The following OLFML2A variants were observed in gnomAD, a reference collection of about 807,000 sequenced individuals.
OLFML2A encodes olfactomedin like 2A.
In OLFML2A, 47 loss-of-function variants were observed where a neutral mutation model predicts 60.9. That is an observed-to-expected ratio of 0.77 (90% CI 0.61 to 0.98). The LOEUF (loss-of-function observed/expected upper bound fraction) is 0.98, where lower values mean the gene tolerates loss of function less well. OLFML2A is among the 50% of genes least tolerant of loss of function. The pLI is 0.00. For synonymous variants in OLFML2A, 372 were observed against 375.0 expected (o/e 0.99, Z 0.09); for missense variants, 922 against 879.8 (o/e 1.05, Z -0.61).
At chr9:124,808,039 C>A (rs915430065) in intron 7 of OLFML2A, 73 bp downstream of exon 7, 3 of 1,132,580 alleles carry the variant, frequency 2.6e-6, no homozygotes, top group South Asian at 1.4e-5. Flanking sequence ...GGGGACTTGG[C>A]CTTCCTTGCC....
Position 124,779,531 on chromosome 9 carries a change from T to TTG in OLFML2A, c.90+2184_90+2185dup, listed in dbSNP as rs547661169. Among the ~76,000 whole-genome samples, 1 of 133,408 alleles carries TTG rather than the reference T, an allele frequency of 7.5e-6. No homozygotes were observed. The highest frequency in any genetic ancestry group is 1.6e-5 in the Non-Finnish European group (1 of 64,122). The allele number at this position is 133,408 out of a possible 152,430, so 87.5% of individuals were successfully genotyped here. ...GTGAGTCAGCCAAACACTTGCTAGG[T>TTG]TGTGTGTGTGTGTGGTGGGGGGGGG... On this transcript the variant is annotated intron_variant, in intron 1 of 7. Coordinates refer to ENST00000373580, the MANE Select transcript of OLFML2A (RefSeq NM_182487.4). The surrounding 1 kb of genome is among the most constrained non-coding windows in gnomAD (Gnocchi z 4.1).
At position 124,804,710 on chromosome 9, in the gene OLFML2A, AT is replaced by A. The variant is rs955047097; in HGVS notation, c.1168+380del. 5.3e-3 allele frequency among the ~76,000 whole-genome samples: 777 copies of A among 146,472 alleles called. 3 individuals are homozygous for A. The highest frequency in any genetic ancestry group is 0.029 in the Middle Eastern group (8 of 276). ...CTGCACTCCAGCCTGGGCGAAAGAA[AT>A]TTTTTTTTTTTCTTTTTGAGACAGT... On this transcript the variant is annotated intron_variant, in intron 6 of 7. Coordinates refer to ENST00000373580, the MANE Select transcript of OLFML2A (RefSeq NM_182487.4).
chr9:124,799,544 A>G, intron 4 of OLFML2A, 53 bp downstream of exon 4: 3 of 1,440,716 alleles, frequency 2.1e-6, no homozygotes, highest in Non-Finnish European at 1.9e-6. Flanking sequence ...TTGGGAGCTC[A>G]GTGTGCCAGG....
At chr9:124,793,020 T>A (rs1314820022) in intron 2 of OLFML2A, among the ~76,000 whole-genome samples, 2 of 152,186 alleles carry the variant, frequency 1.3e-5, no homozygotes, top group Non-Finnish European at 2.9e-5. Flanking sequence ...GTTTTAGAGA[T>A]CAGCTTCTGC....
chr9:124,798,460 G>A (rs2131265901), intron 3 of OLFML2A, among the ~76,000 whole-genome samples: 1 of 152,202 alleles, frequency 6.6e-6, no homozygotes, highest in South Asian at 2.1e-4. Context: ...ATTGCTTGCA[G>A]TGAGCCAAGA....
At chr9:124,790,631 C>T (rs997613357) in intron 2 of OLFML2A, among the ~76,000 whole-genome samples, 8 of 152,108 alleles carry the variant, frequency 5.3e-5, no homozygotes, top group African/African-American at 1.9e-4. Flanking sequence ...GGGATTGACC[C>T]GGCAGGTGGG....
At chr9:124,796,102 C>T (rs1289473891) in intron 3 of OLFML2A, among the ~76,000 whole-genome samples, 1 of 152,220 alleles carries the variant, frequency 6.6e-6, no homozygotes, top group Non-Finnish European at 1.5e-5. Context: ...GGCGTGGGGG[C>T]TTCCTTTCCC....
intron 2 of OLFML2A, among the ~76,000 whole-genome samples, chr9:124,789,550 G>A (rs966661087): frequency 6.6e-6 from 1 of 152,166 alleles, no homozygotes; most frequent in African/African-American, 2.4e-5. Context: ...TTTATAATGG[G>A]CACCAAGGAT....
At chr9:124,782,934 G>C (rs7857675) in intron 1 of OLFML2A, among the ~76,000 whole-genome samples, 5,641 of 152,058 alleles carry the variant, frequency 0.037, 340 homozygotes, top group African/African-American at 0.13. Flanking sequence ...AGTGGGTGGA[G>C]TGGCAAGAGA....
rs770591877 is a variant in OLFML2A at position 124,810,404 on chromosome 9, G to A, written c.1951G>A (p.Val651Met). The change falls in exon 8 of 8, where the codon GTG becomes ATG. Residue 651 changes from valine (V) to methionine (M), a missense_variant. Val to Met is a conservative substitution (Grantham distance 21). Transcript: ENST00000373580. Reference protein sequence around the residue: ...GHQLTYTLHFVV With the variant: ...GHQLTYTLHFMV ...CCAGCTCACCTACACCCTCCACTTC[G>A]TGGTCTGAGTGGAGACCTGTGCTCC... 14 of 1,594,456 alleles carry A rather than the reference G, an allele frequency of 8.8e-6. No homozygotes were observed. The highest frequency in any genetic ancestry group is 6.7e-5 in the Admixed American group (4 of 59,802).
intron 3 of OLFML2A, among the ~76,000 whole-genome samples, chr9:124,795,870 A>G (rs549042736): frequency 3.9e-5 from 6 of 152,320 alleles, no homozygotes; most frequent in Admixed American, 3.9e-4. Flanking sequence ...GTGGAGGCAG[A>G]GGTGCTGCGT....
rs145528448 is a variant in OLFML2A at position 124,780,231 on chromosome 9, G to A, written c.90+2871G>A. 5.7e-3 allele frequency among the ~76,000 whole-genome samples: 862 copies of A among 152,346 alleles called. 8 individuals carry two copies. The highest frequency in any genetic ancestry group is 9.4e-3 in the Non-Finnish European group (639 of 68,034). ...CCACATGACACCCAGGCATAGCACC[G>A]CAGACCTCTGGGGAGCTGCTTCTTG... On this transcript the variant is annotated intron_variant, in intron 1 of 7. Transcript: ENST00000373580.
At chr9:124,782,466 C>G (rs1205087540) in intron 1 of OLFML2A, among the ~76,000 whole-genome samples, 1 of 152,230 alleles carries the variant, frequency 6.6e-6, no homozygotes, top group African/African-American at 2.4e-5. Flanking sequence ...GTTGATTGTT[C>G]AGACTCACCA....
chr9:124,784,084 G>T (rs911082584), intron 1 of OLFML2A, among the ~76,000 whole-genome samples: 1 of 152,114 alleles, frequency 6.6e-6, no homozygotes. Context: ...AAAGGGAAGG[G>T]CAATAAGGAG....
Position 124,804,214 on chromosome 9 carries a change from G to A in OLFML2A, c.1040G>A (p.Arg347Gln), listed in dbSNP as rs201942102. The A allele has an allele frequency of 2.8e-5, 45 of 1,613,990 alleles. No homozygotes were observed. In the East Asian group the frequency reaches 4.7e-4, roughly 17 times the overall value. Residue 347 changes from arginine (R) to glutamine (Q), a missense_variant, in exon 6 of 8, where the codon CGA (arginine) becomes CAA (glutamine). Arg to Gln is a conservative substitution (Grantham distance 43). Coordinates refer to ENST00000373580, the MANE Select transcript of OLFML2A (RefSeq NM_182487.4). ...GAGGCTGAGCCCAGGTCCTCCGAGC[G>A]AGTGGACCTGGCTTCTGGCACCCCC... The part of the protein sequence containing the change: ...QDEAEPRSSE[R>Q]VDLASGTPTS...
At chr9:124,799,803 G>A (rs1483898974) in intron 4 of OLFML2A, among the ~76,000 whole-genome samples, 2 of 152,098 alleles carry the variant, frequency 1.3e-5, no homozygotes, top group Non-Finnish European at 2.9e-5. Context: ...TGGAGGTGGT[G>A]CCCCCTGCCT....
In OLFML2A at chr9:124,783,859, C is replaced by G. The variant is rs574332679; in HGVS notation, c.91-3116C>G. Among the ~76,000 whole-genome samples the G allele has an allele frequency of 2.0e-5, 3 of 152,032 alleles. No individual in the cohort carries two copies. In the East Asian group the frequency reaches 5.8e-4, roughly 29 times the overall value. On this transcript the variant is annotated intron_variant, in intron 1 of 7. Coordinates refer to ENST00000373580, the MANE Select transcript of OLFML2A (RefSeq NM_182487.4). The stretch of plus-strand genomic sequence containing the variant: ...AAACTCAGATCTCATATTTCAGGTA[C>G]TAATAGGTGCAGTAAAGAAAACCAA...
intron 2 of OLFML2A, among the ~76,000 whole-genome samples, chr9:124,790,450 C>T (rs369648946): frequency 1.2e-4 from 19 of 152,174 alleles, no homozygotes; most frequent in African/African-American, 3.9e-4. Context: ...GCTGGGATTA[C>T]AGGCATGAGC....
At chr9:124,807,082 T>TA (rs71492424) in intron 6 of OLFML2A, among the ~76,000 whole-genome samples, 39 of 148,708 alleles carry the variant, frequency 2.6e-4, no homozygotes, top group South Asian at 6.4e-4. Context: ...CTCAGCTAAT[T>TA]AAAAAAATTT....
Sources: allele counts gnomAD v4.1 joint callset (sites outside exome capture counted in the v4.1 genomes callset), GRCh38; gene constraint gnomAD v4.1.1; non-coding constraint Gnocchi (gnomAD v3.1); transcripts MANE v1.5; gene names NCBI Gene and HGNC (gene_info 2026-07-23, HGNC 2026-07-21).